LRRD1: variants seen among roughly 807,000 people sequenced by gnomAD.
The protein encoded by LRRD1 is leucine rich repeats and death domain containing 1, also known as leucine-rich repeat and death domain-containing protein 1.
Under a neutral mutation model 69.5 loss-of-function variants are expected in LRRD1, and 49 were observed. The observed-to-expected ratio is 0.70, with a 90% confidence interval of 0.56 to 0.89. LRRD1 has a LOEUF of 0.89. Among genes scored for constraint, LRRD1 ranks in the 40% least tolerant of loss-of-function variants. LRRD1 has a pLI of 0.00. For synonymous variants in LRRD1, 303 were observed against 338.9 expected, an observed-to-expected ratio of 0.89 and a Z score of 1.16; for missense variants, 853 against 956.0, an observed-to-expected ratio of 0.89 and a Z score of 1.42.
At chr7:92,167,313 C>T (rs1426730874) in intron 1 of LRRD1, among the ~76,000 whole-genome samples, 1 of 151,848 alleles carries the variant, frequency 6.6e-6, no homozygotes, top group Non-Finnish European at 1.5e-5. Flanking sequence ...CCAGGATGGT[C>T]TCGATCTCCT....
At chr7:92,143,033 G>A (rs1187070196), downstream of LRRD1, 1 of 216,316 alleles carries the variant, frequency 4.6e-6, no homozygotes, top group African/African-American at 2.3e-5. Context: ...ATTTTACAGA[G>A]AGCCCGAGTG....
chr7:92,174,363 G>A (rs932816313), intron 1 of LRRD1, among the ~76,000 whole-genome samples: 1 of 149,768 alleles, frequency 6.7e-6, no homozygotes, highest in Non-Finnish European at 1.5e-5. Context: ...AAATATTTAT[G>A]TTTATGGCTA....
At chr7:92,148,407 G>T (rs373693326) in intron 4 of LRRD1, among the ~76,000 whole-genome samples, 105 of 151,974 alleles carry the variant, frequency 6.9e-4, no homozygotes, top group African/African-American at 2.5e-3. Context: ...GTACCATCCC[G>T]CGTGATCAAA....
intron 2 of LRRD1, among the ~76,000 whole-genome samples, chr7:92,162,587 G>A (rs893583789): frequency 2.0e-5 from 3 of 152,020 alleles, no homozygotes; most frequent in African/African-American, 7.2e-5. Flanking sequence ...AATTCTTATT[G>A]ATCTAGCAAT....
chr7:92,157,641 C>A (rs1788694230), intron 3 of LRRD1, among the ~76,000 whole-genome samples: 1 of 151,922 alleles, frequency 6.6e-6, no homozygotes, highest in Non-Finnish European at 1.5e-5. Context: ...ACAATCTCAG[C>A]TCATTGCAAC....
intron 4 of LRRD1, among the ~76,000 whole-genome samples, chr7:92,148,408 C>T (rs184732175): frequency 3.2e-4 from 49 of 152,152 alleles, no homozygotes; most frequent in African/African-American, 6.5e-4. Flanking sequence ...TACCATCCCG[C>T]GTGATCAAAT....
chr7:92,160,364 A>C (rs772047227), intron 2 of LRRD1, among the ~76,000 whole-genome samples: 29 of 152,244 alleles, frequency 1.9e-4, no homozygotes, highest in Non-Finnish European at 2.8e-4. Flanking sequence ...AACAGAATAT[A>C]TCCTATGAAA....
downstream of LRRD1, among the ~76,000 whole-genome samples, chr7:92,143,667 A>G (rs1820234423): frequency 6.6e-6 from 1 of 152,114 alleles, no homozygotes; most frequent in African/African-American, 2.4e-5. Context: ...GCTGGCCCGC[A>G]AGCACCGCGT....
rs570236403 is a variant in LRRD1 at position 92,178,670 on chromosome 7, C to CA, written c.-75+336dup. On this transcript the variant is annotated intron_variant, in intron 1 of 5. Coordinates refer to ENST00000458448, the MANE Select transcript of LRRD1 (RefSeq NM_001161528.2). ...GGGCAACAAGCGCGAAACTCTGTCG[C>CA]AAAAAATAAATAAATACATACATAC... Among the ~76,000 whole-genome samples, 54 of 152,144 alleles carry CA rather than the reference C, an allele frequency of 3.5e-4. 2 individuals carry two copies. The East Asian group carries it at 9.6e-3, about 27-fold the overall frequency.
intron 1 of LRRD1, among the ~76,000 whole-genome samples, chr7:92,171,830 G>A (rs1219348518): frequency 2.0e-5 from 3 of 152,196 alleles, no homozygotes; most frequent in Non-Finnish European, 4.4e-5. Context: ...GATCAAGTGC[G>A]ATTCATCCCA....
At chr7:92,162,121 A>G (rs1472389179) in intron 2 of LRRD1, among the ~76,000 whole-genome samples, 2 of 152,240 alleles carry the variant, frequency 1.3e-5, no homozygotes, top group African/African-American at 4.8e-5. Context: ...CTTTTTAAAT[A>G]CAAGCTGTAT....
In LRRD1 at chr7:92,164,844, TC is replaced by T; in HGVS notation, c.358del (p.Glu120LysfsTer3). 6.4e-7 allele frequency: 1 copy of T among 1,551,638 alleles called. No individual in the cohort carries two copies. The highest frequency in any genetic ancestry group is 2.4e-5 in the East Asian group (1 of 40,882). On this transcript the variant is annotated frameshift_variant, in exon 2 of 6. Transcript: ENST00000458448. LOFTEE classifies it high-confidence loss of function. ...TTGTGGACTAACTTCTCCTACTGTT[TC>T]ATGAGATAGGAAGTTAACCAAAGCC... Reference protein sequence around the residue: ...YQALVNFLSHETVGEVSPQVS... With the variant: ...YQALVNFLSHXTVGEVSPQVS...
chr7:92,143,696 C>A (rs370435790), downstream of LRRD1, among the ~76,000 whole-genome samples: 2 of 152,186 alleles, frequency 1.3e-5, no homozygotes, highest in African/African-American at 4.8e-5. Context: ...GGTTCCCGCC[C>A]GCGCCTCTCC....
At position 92,150,672 on chromosome 7, in the gene LRRD1, T is replaced by G. The variant is rs996296470; in HGVS notation, c.2140A>C (p.Ser714Arg). 3 of 1,542,224 alleles carry G rather than the reference T, an allele frequency of 1.9e-6. No homozygotes were observed. In the South Asian group the frequency reaches 3.6e-5, roughly 19 times the overall value. Residue 714 changes from serine (S) to arginine (R), a missense_variant, in exon 4 of 6, where the codon AGT becomes CGT. Ser to Arg is a moderately radical substitution (Grantham distance 110). This residue lies in a region of LRRD1 where 739 missense variants were observed against 808.0 expected (regional missense o/e 0.91). Transcript: ENST00000458448. Reference sequence around the variant, plus strand: ...AGTGAAAAAATATTGTAGATAGCACTAGGTAGAGCTGTCAGATTATTTCCT... The same window carrying G: ...AGTGAAAAAATATTGTAGATAGCACGAGGTAGAGCTGTCAGATTATTTCCT... ...LSGNNLTALP[S>R]AIYNIFSLKE...
chr7:92,176,283 A>T (rs1789194809), intron 1 of LRRD1, among the ~76,000 whole-genome samples: 3 of 152,202 alleles, frequency 2.0e-5, no homozygotes, highest in Admixed American at 6.5e-5. Context: ...AAATACTGTC[A>T]TATAGAAACT....
chr7:92,173,470 T>C (rs1305710986), intron 1 of LRRD1, among the ~76,000 whole-genome samples: 1 of 152,082 alleles, frequency 6.6e-6, no homozygotes. Context: ...TTAACCAGAA[T>C]ATGTAAGGAG....
At chr7:92,150,718 G>A in intron 3 of LRRD1, 23 bp from the exon 4 acceptor site, 1 of 1,467,926 alleles carries the variant, frequency 6.8e-7, no homozygotes, top group Admixed American at 2.1e-5. Flanking sequence ...AATTAGAATT[G>A]AATTACATCT....
At chr7:92,142,567 C>T (rs186013801), downstream of LRRD1, 27 of 455,548 alleles carry the variant, frequency 5.9e-5, no homozygotes, top group East Asian at 1.6e-3. Flanking sequence ...GTGGGTTCTT[C>T]GTCTCACTGA....
At chr7:92,156,244 A>G (rs960239522) in intron 3 of LRRD1, among the ~76,000 whole-genome samples, 2 of 152,210 alleles carry the variant, frequency 1.3e-5, no homozygotes, top group African/African-American at 2.4e-5. Flanking sequence ...GGTTGTGTGA[A>G]TCATCCAACT....
Sources: allele counts gnomAD v4.1 joint callset (sites outside exome capture counted in the v4.1 genomes callset), GRCh38; gene constraint gnomAD v4.1.1; regional missense constraint gnomAD v4.1.1; transcripts MANE v1.5; gene names NCBI Gene and HGNC (gene_info 2026-07-23, HGNC 2026-07-21).